The following UBA7 variants were observed in gnomAD, a reference collection of about 807,000 sequenced individuals.
UBA7 encodes ubiquitin like modifier activating enzyme 7.
UBA7 carries 88 observed loss-of-function variants against 113.0 expected under a neutral mutation model. The observed-to-expected ratio is 0.78, with a 90% CI of 0.66 to 0.93. The LOEUF (loss-of-function observed/expected upper bound fraction) is 0.93. Among genes scored for constraint, UBA7 ranks in the 40% least tolerant of loss-of-function variants. The pLI is 0.00. For missense variants in UBA7, 1,092 were observed against 1,266.4 expected (o/e 0.86, Z 2.09); for synonymous variants, 459 against 513.0 (o/e 0.89, Z 1.42).
At chr3:49,806,200 T>G (rs749605972) in intron 21 of UBA7, 35 bp from the exon 22 acceptor site, 1 of 1,530,170 alleles carries the variant, frequency 6.5e-7, no homozygotes, top group South Asian at 1.2e-5. Flanking sequence ...AGAGACTTCT[T>G]ACCTCCCCCC....
intron 21 of UBA7, among the ~76,000 whole-genome samples, chr3:49,806,646 A>G (rs1480474574): frequency 6.6e-6 from 1 of 152,046 alleles, no homozygotes; most frequent in African/African-American, 2.4e-5. Flanking sequence ...GCAGGGATAC[A>G]ATGCATAGAG....
rs764411377 is a variant in UBA7 at position 49,811,347 on chromosome 3, C to G, written c.1048G>C (p.Ala350Pro). The G allele has an allele frequency of 6.2e-7, 1 of 1,614,198 alleles. No individual in the cohort carries two copies. The highest frequency in any genetic ancestry group is 1.3e-5 in the African/African-American group (1 of 75,056). ...PLDEALVRTV[A>P]LSSAGVLSPM... is the part of the protein sequence containing the mutation. ...CTCAAGACACCTGCACTGCTTAGGGCGACTGTCCGCACTAGGGCCTCATCC... is the reference window on the plus strand; with the variant it reads ...CTCAAGACACCTGCACTGCTTAGGGGGACTGTCCGCACTAGGGCCTCATCC... The change falls in exon 9 of 24, where the codon GCC becomes CCC. Residue 350 changes from alanine to proline, a missense_variant. Physicochemically the swap from Ala to Pro is conservative, Grantham distance 27. Transcript: ENST00000333486.
chr3:49,812,022 A>G lies in UBA7; in HGVS notation c.793-6T>C. 1.2e-6 allele frequency: 2 copies of G among 1,614,198 alleles called. 1 individual carries two copies. The highest frequency in any genetic ancestry group is 2.2e-5 in the South Asian group (2 of 91,090). ...AGGGCTGTGTCCAGGGACTTCTGCA[A>G]GGGCACCTGGCTCAGGGTCTAGTCC... On this transcript the variant is annotated splice_region_variant and splice_polypyrimidine_tract_variant and intron_variant, in intron 7 of 23. Coordinates refer to ENST00000333486, the MANE Select transcript of UBA7 (RefSeq NM_003335.3).
Position 49,811,437 on chromosome 3 carries a change from CCA to C in UBA7, c.956_957del (p.Val319GlyfsTer24). ...GGTTCCAGGTCCCGGGCCAGGCCCACCACAGTCTCTGCATCAACCTGTTGGTA... is the reference window on the plus strand; with the variant it reads ...GGTTCCAGGTCCCGGGCCAGGCCCACCAGTCTCTGCATCAACCTGTTGGTA... ...QPWDPVDAET[V>X]VGLARDLEPL... On this transcript the variant is annotated frameshift_variant, in exon 9 of 24. Transcript: ENST00000333486. LOFTEE classifies it high-confidence loss of function. 1 of 1,584,528 alleles carries C rather than the reference CCA, an allele frequency of 6.3e-7. No homozygotes were observed. The highest frequency in any genetic ancestry group is 8.6e-7 in the Non-Finnish European group (1 of 1,165,688).
Position 49,812,406 on chromosome 3 carries a change from A to C in UBA7, c.694+2T>G. The C allele has an allele frequency of 6.2e-7, 1 of 1,614,104 alleles. No individual in the cohort carries two copies. The highest frequency in any genetic ancestry group is 8.5e-7 in the Non-Finnish European group (1 of 1,179,994). On this transcript the variant is annotated splice_donor_variant, in intron 6 of 23. Coordinates refer to ENST00000333486, the MANE Select transcript of UBA7 (RefSeq NM_003335.3). LOFTEE classifies it high-confidence loss of function. ...CCTGGAATTGGAATGGGATTGGCTT[A>C]CCCCGCACGTGGATAGACCGGGGAT...
In UBA7 at chr3:49,805,284, C is replaced by T. The variant is rs533559404; in HGVS notation, c.*24G>A. On this transcript the variant is annotated 3_prime_UTR_variant, in exon 24 of 24. Coordinates refer to ENST00000333486, the MANE Select transcript of UBA7 (RefSeq NM_003335.3). ...GCTTGGGATCCGGGGCTCCATTGAGCTAGGTGACAGGGTGGCTGCCTTGTC... is the reference window on the plus strand; with the variant it reads ...GCTTGGGATCCGGGGCTCCATTGAGTTAGGTGACAGGGTGGCTGCCTTGTC... 17 of 1,609,124 alleles carry T rather than the reference C, an allele frequency of 1.1e-5. No individual in the cohort carries two copies. In the African/African-American group the frequency reaches 1.9e-4, roughly 18 times the overall value.
At chr3:49,806,831 T>C (rs373331341) in intron 21 of UBA7, among the ~76,000 whole-genome samples, 6 of 152,062 alleles carry the variant, frequency 3.9e-5, no homozygotes, top group African/African-American at 1.4e-4. Flanking sequence ...AGATGGGGGC[T>C]TCTCCTTCAC....
Position 49,805,339 on chromosome 3 carries a change from G to A in UBA7, c.3008C>T (p.Thr1003Ile). The A allele has an allele frequency of 6.2e-7, 1 of 1,614,012 alleles. No homozygotes were observed. Among genetic ancestry groups the A allele is most frequent in the Non-Finnish European group, 8.5e-7 (1 of 1,180,008 alleles). ...ELSCEGDDED[T>I]AFPPLHYEL ...CTCATAGTGCAGAGGTGGGAAGGCA[G>A]TGTCCTCGTCGTCACCCTCACAGCT... Residue 1003 changes from threonine (T) to isoleucine (I), a missense_variant, in exon 24 of 24, where the codon ACT becomes ATT. Around this residue, in one of 3 missense-constraint regions of UBA7, gnomAD observed 500 missense variants for 529.3 expected, o/e 0.94. Coordinates refer to ENST00000333486, the MANE Select transcript of UBA7 (RefSeq NM_003335.3).
rs1205522616 is a variant in UBA7 at position 49,807,736 on chromosome 3, C to T, written c.2715G>A (p.Thr905=). The change falls in exon 21 of 24, where the codon ACG becomes ACA. Residue 905 remains threonine, a splice_region_variant and synonymous_variant. Coordinates refer to ENST00000333486, the MANE Select transcript of UBA7 (RefSeq NM_003335.3). This position sits in a 1 kb window ranked among gnomAD's most constrained non-coding sequence, Gnocchi z 4.0. ...RYMPFAPAIQ[T]FHHLKWTSWD... The stretch of plus-strand genomic sequence containing the variant: ...TAAGGGTGGGGTATCATGGGCTCAC[C>T]GTCTGGATGGCTGGGGCAAAAGGCA... 6 of 1,603,242 alleles carry T rather than the reference C, an allele frequency of 3.7e-6. No individual in the cohort carries two copies. The highest frequency in any genetic ancestry group is 1.3e-5 in the African/African-American group (1 of 74,790).
Position 49,807,979 on chromosome 3 carries a change from G to T in UBA7, c.2523+41C>A. ...GGCCCAAGGCGTAGGGCCAGGGTTT[G>T]CCCTCCACCTCCAGGCCCAAGCCTC... On this transcript the variant is annotated intron_variant, in intron 20 of 23. Transcript: ENST00000333486. The surrounding 1 kb of genome is among the most constrained non-coding windows in gnomAD (Gnocchi z 4.0). 6.2e-7 allele frequency: 1 copy of T among 1,614,064 alleles called. No individual in the cohort carries two copies. Among genetic ancestry groups the T allele is most frequent in the Non-Finnish European group, 8.5e-7 (1 of 1,179,954 alleles).
At position 49,809,128 on chromosome 3, in the gene UBA7, G is replaced by T. The variant is rs1486013161; in HGVS notation, c.2195C>A (p.Ala732Asp). 6.2e-7 allele frequency: 1 copy of T among 1,612,864 alleles called. No individual in the cohort carries two copies. Among genetic ancestry groups the T allele is most frequent in the African/African-American group, 1.3e-5 (1 of 74,912 alleles). ...DTHLLYVLAAANLYAQMHGLP... is the reference protein window; with the variant it reads ...DTHLLYVLAADNLYAQMHGLP... ...CCCATGCATCTGGGCATACAGGTTGGCAGCTGCCAGTACGTAGAGGAGGTG... is the reference window on the plus strand; with the variant it reads ...CCCATGCATCTGGGCATACAGGTTGTCAGCTGCCAGTACGTAGAGGAGGTG... The change falls in exon 18 of 24, where the codon GCC becomes GAC. Residue 732 changes from alanine (A) to aspartate (D), a missense_variant. Physicochemically the swap from Ala to Asp is moderately radical, Grantham distance 126. This residue lies in a region of UBA7 where 500 missense variants were observed against 529.3 expected (regional missense o/e 0.94). Coordinates refer to ENST00000333486, the MANE Select transcript of UBA7 (RefSeq NM_003335.3).
intron 8 of UBA7, 148 bp downstream of exon 8, chr3:49,811,722 C>G (rs925490004): frequency 2.2e-6 from 3 of 1,388,852 alleles, no homozygotes; most frequent in Non-Finnish European, 3.0e-6. Context: ...AGGATGTGTG[C>G]CTGGCACTTC....
Position 49,805,403 on chromosome 3 carries a change from C to T in UBA7, c.2944G>A (p.Ala982Thr), listed in dbSNP as rs1037749625. ...AACACCCGCTGCCCAGGAGCAGGTG[C>T]CTGGCCTGTCAGCTGCTGAACCAGT... ...TELVQQLTGQ[A>T]PAPGQRVLVL... Residue 982 changes from alanine (A) to threonine (T), a missense_variant, in exon 24 of 24, where the codon GCA (alanine) becomes ACA (threonine). Ala to Thr is a moderately conservative substitution (Grantham distance 58). This residue lies in a region of UBA7 where 500 missense variants were observed against 529.3 expected (regional missense o/e 0.94). Transcript: ENST00000333486. 6 of 1,613,302 alleles carry T rather than the reference C, an allele frequency of 3.7e-6. No homozygotes were observed. The African/African-American group carries it at 6.7e-5, about 18-fold the overall frequency.
chr3:49,809,665 C>A lies in UBA7; in HGVS notation c.1965G>T (p.Val655=), dbSNP rs376883389. 1 of 1,614,008 alleles carries A rather than the reference C, an allele frequency of 6.2e-7. No homozygotes were observed. Among genetic ancestry groups the A allele is most frequent in the African/African-American group, 1.3e-5 (1 of 74,930 alleles). Residue 655 remains valine, a synonymous_variant, in exon 16 of 24, where the codon GTG becomes GTT. Transcript: ENST00000333486. ...GTGGACGCACTCTCAGGACCCCAAG[C>A]ACTGGCTTCAGTAAGGTGAGTGTCT... is the stretch of plus-strand genomic sequence containing the variant. ...EPQTLTLLKP[V]LGVLRVRPQN...
chr3:49,811,718 T>C (rs1001459573), intron 8 of UBA7, 152 bp downstream of exon 8: 1 of 1,359,026 alleles, frequency 7.4e-7, no homozygotes, highest in Non-Finnish European at 1.0e-6. Flanking sequence ...CCCCAGGATG[T>C]GTGCCTGGCA....
rs369012211 is a variant in UBA7 at position 49,810,382 on chromosome 3, G to T, written c.1514C>A (p.Pro505Gln). ...VAAAAARGLN[P>Q]DLQVIPLTYP... is the part of the protein sequence containing the mutation. ...GGTGAGCGGGATCACCTGTAAGTCTGGGTTCAGGCCCCGGGCAGCTGCTGC... is the reference window on the plus strand; with the variant it reads ...GGTGAGCGGGATCACCTGTAAGTCTTGGTTCAGGCCCCGGGCAGCTGCTGC... The change falls in exon 13 of 24, where the codon CCA becomes CAA. Residue 505 changes from proline to glutamine, a missense_variant. By Grantham distance (76) the Pro-to-Gln change is moderately conservative. Transcript: ENST00000333486. This position sits in a 1 kb window ranked among gnomAD's most constrained non-coding sequence, Gnocchi z 5.6. 4.3e-6 allele frequency: 7 copies of T among 1,614,184 alleles called. No homozygotes were observed. The highest frequency in any genetic ancestry group is 5.9e-6 in the Non-Finnish European group (7 of 1,180,040).
In UBA7 at chr3:49,813,279, G is replaced by A. The variant is rs2081578437; in HGVS notation, c.330C>T (p.Asp110=). The A allele has an allele frequency of 6.2e-7, 1 of 1,614,066 alleles. No individual in the cohort carries two copies. Among genetic ancestry groups the A allele is most frequent in the African/African-American group, 1.3e-5 (1 of 74,950 alleles). The change falls in exon 3 of 24, where the codon GAC becomes GAT. Residue 110 remains aspartate (D), a synonymous_variant. Transcript: ENST00000333486. ...AGTCCAACAGCAGGTCCTCAGTGAT[G>A]TCACCCGTGTGCACGACGACCTGGA... ...RAVQVVVHTG[D]ITEDLLLDFQ... is the part of the protein sequence containing the mutation.
In UBA7 at chr3:49,805,937, C is replaced by T. The variant is rs866122045; in HGVS notation, c.2869G>A (p.Gly957Arg). 27 of 1,561,654 alleles carry T rather than the reference C, an allele frequency of 1.7e-5. No individual in the cohort carries two copies. Among genetic ancestry groups the T allele is most frequent in the Admixed American group, 7.6e-5 (4 of 52,428 alleles). The change falls in exon 23 of 24, where the codon GGA (glycine) becomes AGA (arginine). Residue 957 changes from glycine (G) to arginine (R), a missense_variant. This residue lies in a region of UBA7 where 500 missense variants were observed against 529.3 expected (regional missense o/e 0.94). Transcript: ENST00000333486. ...TGGGCCTGCTTTTCAGGTGACCATC[C>T]GGCCGCATAGAGCAGGGCTGAGCCG... ...LHGSALLYAAGWSPEKQAQHL... is the reference protein window; with the variant it reads ...LHGSALLYAARWSPEKQAQHL...
chr3:49,811,244 G>A (rs1451105292), intron 9 of UBA7, 29 bp downstream of exon 9: 5 of 1,612,884 alleles, frequency 3.1e-6, no homozygotes, highest in Non-Finnish European at 4.2e-6. Flanking sequence ...CATCTTCCCA[G>A]TACCCCCCAC....
Sources: gnomAD v4.1 joint callset for allele counts (sites outside exome capture counted in the v4.1 genomes callset) on GRCh38, gnomAD v4.1.1 for gene constraint, gnomAD v4.1.1 regional missense constraint, Gnocchi (gnomAD v3.1) non-coding constraint, MANE v1.5 for transcripts, NCBI Gene and HGNC (gene_info 2026-07-23, HGNC 2026-07-21) for gene names.